Variants in UGT1A10 observed in about 807,000 individuals in gnomAD.
UGT1A10 encodes the protein UDP-glucuronosyltransferase 1A10.
Under a neutral mutation model 45.8 loss-of-function variants are expected in UGT1A10, and 49 were observed. The observed-to-expected ratio is 1.07, with a 90% CI of 0.85 to 1.36. The LOEUF (loss-of-function observed/expected upper bound fraction) is 1.36. Ranked by LOEUF, UGT1A10 falls within the 40% of genes most tolerant of loss-of-function variation. UGT1A10 has a pLI of 0.00. For synonymous variants in UGT1A10, 284 were observed against 249.7 expected (o/e 1.14, Z -1.29); for missense variants, 745 against 668.6 (o/e 1.11, Z -1.26).
chr2:233,768,235 G>T lies in UGT1A10; in HGVS notation c.1091G>T (p.Arg364Leu), dbSNP rs374047963. 32 of 1,614,018 alleles carry T rather than the reference G, an allele frequency of 2.0e-5. No homozygotes were observed. Among genetic ancestry groups the T allele is most frequent in the African/African-American group, 1.3e-5 (1 of 74,898 alleles). Residue 364 changes from arginine (R) to leucine (L), a missense_variant, in exon 4 of 5, where the codon CGT becomes CTT. Physicochemically the swap from Arg to Leu is moderately radical, Grantham distance 102. Transcript: ENST00000344644. ...QNDLLGHPMT[R>L]AFITHAGSHG... is the part of the protein sequence containing the mutation. ...TGCATCTCAGGTCACCCGATGACCC[G>T]TGCCTTTATCACCCATGCTGGTTCC...
chr2:233,752,638 G>C (rs1306157736), intron 1 of UGT1A10: 1 of 152,130 alleles, frequency 6.6e-6, no homozygotes, highest in Non-Finnish European at 1.5e-5. Context: ...TGTTGTCTTA[G>C]TTACTGGGAA....
At chr2:233,698,025 A>G (rs1191813775) in intron 1 of UGT1A10, among the ~76,000 whole-genome samples, 3 of 152,166 alleles carry the variant, frequency 2.0e-5, no homozygotes, top group Non-Finnish European at 2.9e-5. Context: ...GGTACCAATT[A>G]TCTTATTTTT....
At chr2:233,763,477 G>T (rs553290095) in intron 1 of UGT1A10, among the ~76,000 whole-genome samples, 67 of 152,208 alleles carry the variant, frequency 4.4e-4, no homozygotes, top group South Asian at 2.7e-3. Context: ...TAATAGATTT[G>T]ATTGTAACTC....
chr2:233,727,644 C>G lies in UGT1A10; in HGVS notation c.856-39390C>G, dbSNP rs139554548. On this transcript the variant is annotated intron_variant, in intron 1 of 4. Coordinates refer to ENST00000344644, the MANE Select transcript of UGT1A10 (RefSeq NM_019075.4). ...AGAGGTTGCACCCACAGCTGAGAAT[C>G]CCTTTCTAGTGCTCTATGTCCTTAC... Among the ~76,000 whole-genome samples the G allele has an allele frequency of 3.3e-5, 5 of 152,272 alleles. No individual in the cohort carries two copies. In the East Asian group the frequency reaches 9.7e-4, roughly 29 times the overall value.
At chr2:233,727,806 G>A (rs543849298) in intron 1 of UGT1A10, among the ~76,000 whole-genome samples, 1 of 152,288 alleles carries the variant, frequency 6.6e-6, no homozygotes, top group East Asian at 1.9e-4. Flanking sequence ...TGTCCCATGG[G>A]TTCTGTCCAA....
chr2:233,713,474 G>A, intron 1 of UGT1A10: 1 of 1,614,060 alleles, frequency 6.2e-7, no homozygotes, highest in South Asian at 1.1e-5. Flanking sequence ...CGGCGGTGCT[G>A]GCTAAGTACC....
chr2:233,756,397 G>GTT (rs1005447677), intron 1 of UGT1A10: 1 of 151,856 alleles, frequency 6.6e-6, no homozygotes, highest in African/African-American at 2.4e-5. Flanking sequence ...TACAGTATTG[G>GTT]TTTTTTATTT....
chr2:233,676,128 G>C (rs1206697252), intron 1 of UGT1A10, among the ~76,000 whole-genome samples: 3 of 152,068 alleles, frequency 2.0e-5, no homozygotes, highest in Non-Finnish European at 4.4e-5. Context: ...ACCCACCCTG[G>C]GGTCCTTGAG....
intron 1 of UGT1A10, among the ~76,000 whole-genome samples, chr2:233,637,649 A>G (rs1384296279): frequency 1.3e-5 from 2 of 152,200 alleles, no homozygotes; most frequent in Non-Finnish European, 2.9e-5. Flanking sequence ...CAAAAACCAC[A>G]GCAAGAAATG....
chr2:233,737,724 T>C (rs2078915957), intron 1 of UGT1A10, among the ~76,000 whole-genome samples: 1 of 152,142 alleles, frequency 6.6e-6, no homozygotes, highest in South Asian at 2.1e-4. Flanking sequence ...ACACCTCCTT[T>C]TTTTTTCCTT....
chr2:233,664,030 A>G (rs2074027906), intron 1 of UGT1A10, among the ~76,000 whole-genome samples: 1 of 152,198 alleles, frequency 6.6e-6, no homozygotes, highest in Non-Finnish European at 1.5e-5. Context: ...CTTCTGCCAG[A>G]TACCCTAGGT....
intron 1 of UGT1A10, among the ~76,000 whole-genome samples, chr2:233,705,632 T>C (rs2075861807): frequency 6.6e-6 from 1 of 152,224 alleles, no homozygotes; most frequent in East Asian, 1.9e-4. Flanking sequence ...TTGACAGTTC[T>C]AGGAAGTTGA....
At chr2:233,672,797 A>T in intron 1 of UGT1A10, 1 of 1,612,736 alleles carries the variant, frequency 6.2e-7, no homozygotes, top group Non-Finnish European at 8.5e-7. Context: ...ATGGTAAGTT[A>T]TCTCTCCTTT....
At chr2:233,652,464 C>A (rs189975849) in intron 1 of UGT1A10, among the ~76,000 whole-genome samples, 10 of 151,892 alleles carry the variant, frequency 6.6e-5, no homozygotes, top group Non-Finnish European at 1.0e-4. Context: ...CATTCTATCC[C>A]CAAATACTTC....
At chr2:233,649,040 C>T (rs1404991142) in intron 1 of UGT1A10, 9 of 1,082,286 alleles carry the variant, frequency 8.3e-6, no homozygotes, top group Non-Finnish European at 1.1e-5. Flanking sequence ...AGTCATTGCT[C>T]CTTTAGCACA....
At chr2:233,759,064 G>A (rs1398718835) in intron 1 of UGT1A10, among the ~76,000 whole-genome samples, 2 of 152,146 alleles carry the variant, frequency 1.3e-5, no homozygotes, top group Non-Finnish European at 2.9e-5. Flanking sequence ...CTCTGAAAAG[G>A]AATTTGGAAG....
intron 2 of UGT1A10, 46 bp downstream of exon 2, chr2:233,767,211 C>T (rs780479302): frequency 1.9e-5 from 30 of 1,612,468 alleles, no homozygotes; most frequent in South Asian, 1.5e-4. Flanking sequence ...TTCACAGGAG[C>T]GCTAATCCCA....
chr2:233,668,508 A>G lies in UGT1A10; in HGVS notation c.855+31131A>G, dbSNP rs147791366. On this transcript the variant is annotated intron_variant, in intron 1 of 4. Coordinates refer to ENST00000344644, the MANE Select transcript of UGT1A10 (RefSeq NM_019075.4). ...CTTTGCTTTTGTGAATAGTGCCCCA[A>G]TAAACATACGTGTGCATGTGTCTTT... Among the ~76,000 whole-genome samples, 10 of 152,352 alleles carry G rather than the reference A, an allele frequency of 6.6e-5. No homozygotes were observed. In the East Asian group the frequency reaches 1.5e-3, roughly 23 times the overall value.
intron 1 of UGT1A10, among the ~76,000 whole-genome samples, chr2:233,665,431 C>A (rs1006537622): frequency 6.6e-6 from 1 of 152,184 alleles, no homozygotes; most frequent in Non-Finnish European, 1.5e-5. Context: ...TCTCATTGAA[C>A]CCTGACTGCT....
Sources: gnomAD v4.1 joint callset for allele counts (sites outside exome capture counted in the v4.1 genomes callset) on GRCh38, gnomAD v4.1.1 for gene constraint, MANE v1.5 for transcripts, NCBI Gene and HGNC (gene_info 2026-07-23, HGNC 2026-07-21) for gene names.